Variants in MOB4 observed in about 807,000 individuals in gnomAD.
MOB4 encodes the protein MOB-like protein phocein.
MOB4 carries 4 observed loss-of-function variants against 32.2 expected under a neutral mutation model. That is an observed-to-expected ratio of 0.12 (90% CI 0.06 to 0.28). The LOEUF (loss-of-function observed/expected upper bound fraction) is 0.28, where lower values mean the gene tolerates loss of function less well. Ranked by LOEUF, MOB4 falls within the 10% of genes least tolerant of loss-of-function variation. The probability of loss-of-function intolerance (pLI) is 1.00; values close to 1 mark genes in which losing one functional copy is unlikely to be tolerated. For missense variants in MOB4, 158 were observed against 271.2 expected (o/e 0.58, Z 2.93); for synonymous variants, 88 against 88.1 (o/e 1.00, Z 0.01).
At chr2:197,530,714 A>G (rs1363099519) in intron 2 of MOB4, among the ~76,000 whole-genome samples, 1 of 151,216 alleles carries the variant, frequency 6.6e-6, no homozygotes, top group Non-Finnish European at 1.5e-5. Flanking sequence ...AATCCTTCCA[A>G]CTCAGCCTCT....
intron 2 of MOB4, chr2:197,533,770 T>G: frequency 2.1e-6 from 1 of 465,776 alleles, no homozygotes; most frequent in African/African-American, 2.1e-5. Flanking sequence ...TTCCCTGTCA[T>G]CATGGTGTGT....
chr2:197,523,579 T>C (rs1559314693), intron 1 of MOB4, 45 bp from the exon 2 acceptor site: 6 of 1,574,778 alleles, frequency 3.8e-6, no homozygotes, highest in Non-Finnish European at 5.2e-6. Context: ...AAGTTAATCA[T>C]AATAGTATTT....
chr2:197,516,663 C>T (rs1028955704), intron 1 of MOB4: 1 of 471,756 alleles, frequency 2.1e-6, no homozygotes, highest in African/African-American at 2.0e-5. Context: ...ATATTCTCCT[C>T]CTTGTTTCCC....
chr2:197,530,057 C>T (rs2086672952), intron 2 of MOB4, among the ~76,000 whole-genome samples: 1 of 147,458 alleles, frequency 6.8e-6, no homozygotes, highest in African/African-American at 2.5e-5. Context: ...GCAATCCCCA[C>T]CCCCTGGGTT....
At chr2:197,545,130 C>CA (rs2086971747) in intron 5 of MOB4, among the ~76,000 whole-genome samples, 1 of 152,060 alleles carries the variant, frequency 6.6e-6, no homozygotes, top group Non-Finnish European at 1.5e-5. Context: ...TTATGATAGC[C>CA]AAAAAATGGA....
At chr2:197,536,480 C>T (rs1225539089) in intron 3 of MOB4, among the ~76,000 whole-genome samples, 8 of 152,036 alleles carry the variant, frequency 5.3e-5, no homozygotes, top group Admixed American at 5.2e-4. Context: ...GCTGGGATTA[C>T]CACCATGCCA....
chr2:197,521,589 C>T (rs2086519654), intron 1 of MOB4, among the ~76,000 whole-genome samples: 1 of 152,070 alleles, frequency 6.6e-6, no homozygotes. Flanking sequence ...TTTATTTCAC[C>T]CCTACAGTTT....
At chr2:197,548,628 TAATAA>T (rs1239383114) in intron 6 of MOB4, among the ~76,000 whole-genome samples, 3 of 152,072 alleles carry the variant, frequency 2.0e-5, no homozygotes, top group South Asian at 2.1e-4. Context: ...GTATAAATAA[TAATAA>T]AATAAAAGAT....
intron 2 of MOB4, among the ~76,000 whole-genome samples, chr2:197,532,314 A>G (rs1053828257): frequency 5.3e-5 from 8 of 152,220 alleles, no homozygotes; most frequent in South Asian, 2.1e-4. Context: ...GACAGCTTGT[A>G]ACTCCACTTA....
Position 197,550,629 on chromosome 2 carries a change from G to T in MOB4, c.661G>T (p.Gly221Trp). ...AGAGGAAGTACAGAATTCAGTTTCT[G>T]GGGAAAGTGAAGCATGAAGGGAATC... ...LEEEVQNSVSGESEA is the reference protein window; with the variant it reads ...LEEEVQNSVSWESEA The change falls in exon 8 of 8, where the codon GGG (glycine) becomes TGG (tryptophan). Residue 221 changes from glycine to tryptophan, a missense_variant. Transcript: ENST00000323303. 2 of 1,599,450 alleles carry T rather than the reference G, an allele frequency of 1.3e-6. No homozygotes were observed. Among genetic ancestry groups the T allele is most frequent in the South Asian group, 1.1e-5 (1 of 87,682 alleles).
upstream of MOB4, chr2:197,515,964 T>C: frequency 2.0e-6 from 2 of 1,013,810 alleles, no homozygotes; most frequent in Non-Finnish European, 2.9e-6. Flanking sequence ...CGGCGCAGGC[T>C]GCAGCTGTTC....
At chr2:197,530,222 C>G (rs924318516) in intron 2 of MOB4, among the ~76,000 whole-genome samples, 1 of 152,014 alleles carries the variant, frequency 6.6e-6, no homozygotes, top group African/African-American at 2.4e-5. Flanking sequence ...CCCTCCTCGG[C>G]CTCCCAAAGT....
At chr2:197,528,941 C>T (rs1414933628) in intron 2 of MOB4, among the ~76,000 whole-genome samples, 2 of 151,426 alleles carry the variant, frequency 1.3e-5, no homozygotes, top group East Asian at 3.9e-4. Flanking sequence ...GTATTATTTT[C>T]TGTCTGAAGA....
chr2:197,527,401 T>C (rs906177254), intron 2 of MOB4, among the ~76,000 whole-genome samples: 2 of 152,248 alleles, frequency 1.3e-5, no homozygotes, highest in African/African-American at 4.8e-5. Flanking sequence ...TAAAAGTTTC[T>C]AGGTGCTATT....
At chr2:197,515,844 G>A (rs2086398468), upstream of MOB4, 2 of 535,712 alleles carry the variant, frequency 3.7e-6, no homozygotes, top group South Asian at 4.5e-5. Context: ...AGAGGCTCGT[G>A]GCGCCCGCCT....
chr2:197,550,187 T>G, intron 6 of MOB4, 88 bp from the exon 7 acceptor site: 1 of 1,278,600 alleles, frequency 7.8e-7, no homozygotes, highest in Non-Finnish European at 1.1e-6. Context: ...AGGTGTCAGT[T>G]TCTACACTTG....
chr2:197,516,370 C>T, intron 1 of MOB4: 2 of 1,406,710 alleles, frequency 1.4e-6, no homozygotes, highest in South Asian at 1.5e-5. Flanking sequence ...GCGTGAGGGG[C>T]GGGTGGGGTC....
chr2:197,535,682 A>G (rs1345768670), intron 3 of MOB4, 52 bp downstream of exon 3: 2 of 1,550,240 alleles, frequency 1.3e-6, no homozygotes, highest in Non-Finnish European at 1.7e-6. Context: ...ACTAGCTTTC[A>G]TATTAATGAT....
intron 5 of MOB4, among the ~76,000 whole-genome samples, chr2:197,540,718 AT>A (rs1400033937): frequency 6.6e-6 from 1 of 152,212 alleles, no homozygotes; most frequent in African/African-American, 2.4e-5. Context: ...CTACTGTGTA[AT>A]GATTGAGATA....
Sources: gnomAD v4.1 joint callset for allele counts (sites outside exome capture counted in the v4.1 genomes callset) on GRCh38, gnomAD v4.1.1 for gene constraint, MANE v1.5 for transcripts, NCBI Gene and HGNC (gene_info 2026-07-23, HGNC 2026-07-21) for gene names.